Variants in ST3GAL3 observed in about 807,000 individuals in gnomAD.
ST3GAL3 encodes ST3 beta-galactoside alpha-2,3-sialyltransferase 3, also known as CMP-N-acetylneuraminate-beta-1,4-galactoside alpha-2,3-sialyltransferase.
In ST3GAL3, 21 loss-of-function variants were observed where a neutral mutation model predicts 50.1. That is an observed-to-expected ratio of 0.42 (90% CI 0.30 to 0.60). The LOEUF is 0.60. Among genes scored for constraint, ST3GAL3 ranks in the 20% least tolerant of loss-of-function variants. The pLI, the probability that ST3GAL3 is intolerant of heterozygous loss-of-function variation, is 0.19. For missense variants in ST3GAL3, 353 were observed against 489.4 expected (o/e 0.72, Z 2.63); for synonymous variants, 183 against 190.0 (o/e 0.96, Z 0.30).
chr1:43,801,770 A>G (rs572119247), intron 3 of ST3GAL3: 280 of 161,314 alleles, frequency 1.7e-3, no homozygotes, highest in Non-Finnish European at 2.8e-3. Flanking sequence ...TCTGGGCAAC[A>G]TGGTGAAACC....
At chr1:43,909,266 C>T (rs1413828801) in intron 9 of ST3GAL3, among the ~76,000 whole-genome samples, 1 of 152,260 alleles carries the variant, frequency 6.6e-6, no homozygotes, top group East Asian at 1.9e-4. Context: ...TACCTCCTTT[C>T]ATTGCCCTGG....
At position 43,910,908 on chromosome 1, in the gene ST3GAL3, A is replaced by C. The variant is rs192700133; in HGVS notation, c.745-9496A>C. Among the ~76,000 whole-genome samples the C allele has an allele frequency of 3.6e-3, 543 of 152,316 alleles. 5 individuals carry two copies. The highest frequency in any genetic ancestry group is 0.013 in the African/African-American group (525 of 41,560). On this transcript the variant is annotated intron_variant, in intron 9 of 11. Coordinates refer to ENST00000347631, the MANE Select transcript of ST3GAL3 (RefSeq NM_006279.5). Reference sequence around the variant, plus strand: ...TGCCGTGGAGTGAAGAGGAATATGCAGAGCCAAGAGGGATGTGCCCACCCC... The same window carrying C: ...TGCCGTGGAGTGAAGAGGAATATGCCGAGCCAAGAGGGATGTGCCCACCCC...
intron 1 of ST3GAL3, among the ~76,000 whole-genome samples, chr1:43,714,432 CAAAAAAA>C (rs35400929): frequency 7.7e-4 from 57 of 73,714 alleles, no homozygotes; most frequent in African/African-American, 1.3e-3. Context: ...TACTAAAATA[CAAAAAAA>C]AAAAAAAAAA....
Position 43,826,442 on chromosome 1 carries a change from T to C in ST3GAL3, c.209+11509T>C, listed in dbSNP as rs1400432687. ...AAATTAAATCACTAATTAATAACTT[T>C]CCAAAGCAGAAACAACAGTCTCAGA... On this transcript the variant is annotated intron_variant, in intron 4 of 11. Coordinates refer to ENST00000347631, the MANE Select transcript of ST3GAL3 (RefSeq NM_006279.5). Among the ~76,000 whole-genome samples, 3 of 152,268 alleles carry C rather than the reference T, an allele frequency of 2.0e-5. 1 individual carries two copies. Among genetic ancestry groups the C allele is most frequent in the South Asian group, 4.1e-4 (2 of 4,826 alleles).
At chr1:43,797,309 G>A (rs1468587434) in intron 3 of ST3GAL3, among the ~76,000 whole-genome samples, 1 of 152,092 alleles carries the variant, frequency 6.6e-6, no homozygotes, top group Admixed American at 6.5e-5. Context: ...CTATCCAATT[G>A]GAACAACAGA....
At chr1:43,894,839 TG>T (rs1363885757) in intron 6 of ST3GAL3, among the ~76,000 whole-genome samples, 2 of 152,126 alleles carry the variant, frequency 1.3e-5, no homozygotes, top group Non-Finnish European at 2.9e-5. Flanking sequence ...TTTACCATGT[TG>T]CCCAGGTTGA....
chr1:43,864,782 G>A (rs115729833), intron 5 of ST3GAL3, among the ~76,000 whole-genome samples: 3,133 of 152,174 alleles, frequency 0.021, 111 homozygotes, highest in African/African-American at 0.072. Flanking sequence ...GGCTGGTAGA[G>A]GGATGAGTAA....
At chr1:43,728,581 C>T (rs1333342107) in intron 1 of ST3GAL3, among the ~76,000 whole-genome samples, 1 of 152,042 alleles carries the variant, frequency 6.6e-6, no homozygotes, top group Non-Finnish European at 1.5e-5. Flanking sequence ...CCTGTTGCCA[C>T]AAAAAGTTAA....
At position 43,930,256 on chromosome 1, in the gene ST3GAL3, C is replaced by A; in HGVS notation, c.*35C>A. Reference sequence around the variant, plus strand: ...GCACATGGCCATAGAGGCCCAGGCACCACCAGGAGCAGCAGCCAGCACCAC... The same window carrying A: ...GCACATGGCCATAGAGGCCCAGGCAACACCAGGAGCAGCAGCCAGCACCAC... On this transcript the variant is annotated 3_prime_UTR_variant, in exon 12 of 12. Transcript: ENST00000347631. The A allele has an allele frequency of 6.3e-7, 1 of 1,591,672 alleles. No homozygotes were observed.
At chr1:43,858,106 C>T (rs2068965264) in intron 5 of ST3GAL3, 1 of 1,289,196 alleles carries the variant, frequency 7.8e-7, no homozygotes, top group South Asian at 1.2e-5. Context: ...CTGAGCCTCA[C>T]CTTCCTCATC....
At chr1:43,885,034 T>C (rs146295804) in intron 5 of ST3GAL3, among the ~76,000 whole-genome samples, 1 of 152,332 alleles carries the variant, frequency 6.6e-6, no homozygotes, top group African/African-American at 2.4e-5. Flanking sequence ...ATGGTTTAGG[T>C]TGATGAGCCA....
chr1:43,900,151 G>A (rs1037764254), intron 9 of ST3GAL3, among the ~76,000 whole-genome samples: 2 of 152,116 alleles, frequency 1.3e-5, no homozygotes, highest in Non-Finnish European at 2.9e-5. Context: ...CTTCTCCTCT[G>A]TAAGGTCTCT....
At chr1:43,738,503 GT>G (rs571604376) in intron 2 of ST3GAL3, 15 of 140,182 alleles carry the variant, frequency 1.1e-4, no homozygotes, top group Non-Finnish European at 1.4e-4. Context: ...TTTTTTTTTT[GT>G]TTTTTTTTTT....
At chr1:43,761,877 G>C (rs780297552) in intron 2 of ST3GAL3, among the ~76,000 whole-genome samples, 76 of 149,846 alleles carry the variant, frequency 5.1e-4, no homozygotes, top group Admixed American at 3.3e-3. Context: ...CGTGAACCCA[G>C]GAGGCGGAGC....
chr1:43,874,273 T>C (rs2073641919), intron 5 of ST3GAL3, among the ~76,000 whole-genome samples: 1 of 152,164 alleles, frequency 6.6e-6, no homozygotes, highest in Non-Finnish European at 1.5e-5. Flanking sequence ...GAATTGACCA[T>C]TGGATTTAGC....
At chr1:43,917,480 ATAATATATAATAT>A (rs2082048378) in intron 9 of ST3GAL3, among the ~76,000 whole-genome samples, 1 of 82,760 alleles carries the variant, frequency 1.2e-5, no homozygotes, top group South Asian at 3.5e-4. Context: ...TATAATATAT[ATAATATATAATAT>A]ATATAATATA....
intron 2 of ST3GAL3, among the ~76,000 whole-genome samples, chr1:43,773,707 C>T (rs1273219778): frequency 1.3e-5 from 2 of 152,148 alleles, no homozygotes; most frequent in Non-Finnish European, 2.9e-5. Flanking sequence ...CCTTCATAGC[C>T]ATGGTACCAT....
At chr1:43,891,024 C>G (rs974678876) in intron 5 of ST3GAL3, among the ~76,000 whole-genome samples, 4 of 152,104 alleles carry the variant, frequency 2.6e-5, no homozygotes, top group African/African-American at 9.7e-5. Context: ...ATGACTAACC[C>G]ATAACAACAT....
chr1:43,871,214 A>G (rs1321265309), intron 5 of ST3GAL3, among the ~76,000 whole-genome samples: 1 of 152,142 alleles, frequency 6.6e-6, no homozygotes, highest in Non-Finnish European at 1.5e-5. Context: ...CAGTGGATGG[A>G]GCACTCCAGC....
Sources: gnomAD v4.1 joint callset for allele counts (sites outside exome capture counted in the v4.1 genomes callset) on GRCh38, gnomAD v4.1.1 for gene constraint, MANE v1.5 for transcripts, NCBI Gene and HGNC (gene_info 2026-07-23, HGNC 2026-07-21) for gene names.